The following DNAH5 variants were observed in gnomAD, a reference collection of about 807,000 sequenced individuals.
DNAH5 encodes the protein dynein axonemal heavy chain 5, also known as axonemal beta dynein heavy chain 5.
A neutral mutation model predicts 518.2 loss-of-function variants in DNAH5; 372 were observed. That is an observed-to-expected ratio of 0.72 (90% CI 0.66 to 0.78). The LOEUF (loss-of-function observed/expected upper bound fraction) is 0.78. Ranked by LOEUF, DNAH5 falls within the 30% of genes least tolerant of loss-of-function variation. DNAH5 has a pLI of 0.00. For missense variants in DNAH5, 5,523 were observed against 5,687.0 expected, an observed-to-expected ratio of 0.97 and a Z score of 0.93; for synonymous variants, 2,039 against 2,025.9, an observed-to-expected ratio of 1.01 and a Z score of -0.17.
chr5:13,798,874 C>A (rs148258042), intron 47 of DNAH5, among the ~76,000 whole-genome samples: 33 of 151,874 alleles, frequency 2.2e-4, no homozygotes, highest in African/African-American at 6.8e-4. Flanking sequence ...TCAAGCGATT[C>A]TCCTGCCTCA....
chr5:13,709,791 G>C (rs1743251375), intron 75 of DNAH5, among the ~76,000 whole-genome samples: 1 of 152,172 alleles, frequency 6.6e-6, no homozygotes, highest in South Asian at 2.1e-4. Flanking sequence ...TGAAGAAACT[G>C]AAGTAGCCAC....
intron 41 of DNAH5, 138 bp from the exon 42 acceptor site, chr5:13,817,832 T>C: frequency 1.3e-6 from 1 of 744,526 alleles, no homozygotes; most frequent in Non-Finnish European, 2.2e-6. Flanking sequence ...AAAATATGTC[T>C]TACTGCATTC....
intron 4 of DNAH5, among the ~76,000 whole-genome samples, chr5:13,922,834 C>A (rs1250498479): frequency 1.3e-5 from 2 of 151,402 alleles, no homozygotes; most frequent in African/African-American, 4.9e-5. Context: ...AAATAGAATA[C>A]CAGATGTTTA....
chr5:13,805,802 G>A (rs900316468), intron 47 of DNAH5, among the ~76,000 whole-genome samples: 1 of 152,184 alleles, frequency 6.6e-6, no homozygotes, highest in Non-Finnish European at 1.5e-5. Context: ...AGTGAATTAT[G>A]GAAACTGAGA....
rs371100208 is a variant in DNAH5, at chr5:13,829,642, C to A, written c.6312G>T (p.Val2104=). The A allele has an allele frequency of 6.2e-7, 1 of 1,614,086 alleles. No homozygotes were observed. The highest frequency in any genetic ancestry group is 1.3e-5 in the African/African-American group (1 of 74,942). Residue 2104 remains valine (V), a synonymous_variant, in exon 38 of 79, where the codon GTG becomes GTT. Transcript: ENST00000265104. ...PENLKINFRS[V]AMMVPDRQII... ...TCTGACGGTCAGGCACCATCATGGC[C>A]ACTGAGCGGAAATTAATCTTCAAGT...
At chr5:13,757,097 A>C (rs1474536436) in intron 61 of DNAH5, among the ~76,000 whole-genome samples, 3 of 152,162 alleles carry the variant, frequency 2.0e-5, no homozygotes, top group Non-Finnish European at 4.4e-5. Context: ...TTCTTTATCC[A>C]GTCTACCACT....
At chr5:13,862,850 A>T in intron 28 of DNAH5, 103 bp from the exon 29 acceptor site, 1 of 339,092 alleles carries the variant, frequency 2.9e-6, no homozygotes, top group Non-Finnish European at 4.8e-6. Flanking sequence ...TCATATATAT[A>T]TAAATATATA....
intron 35 of DNAH5, among the ~76,000 whole-genome samples, chr5:13,832,309 T>A (rs761207726): frequency 6.6e-6 from 1 of 152,204 alleles, no homozygotes; most frequent in South Asian, 2.1e-4. Flanking sequence ...TTCAAACAGA[T>A]CAATCCTATT....
At chr5:13,866,908 A>C (rs1162436024) in intron 25 of DNAH5, among the ~76,000 whole-genome samples, 1 of 152,166 alleles carries the variant, frequency 6.6e-6, no homozygotes, top group East Asian at 1.9e-4. Flanking sequence ...TTTACATTAG[A>C]AGATTCAGTA....
chr5:14,002,946 G>A (rs956181404), intron 1 of DNAH5, among the ~76,000 whole-genome samples: 2 of 152,194 alleles, frequency 1.3e-5, no homozygotes, highest in African/African-American at 4.8e-5. Context: ...ACACAACTAC[G>A]ATAGTAATTG....
intron 37 of DNAH5, 135 bp downstream of exon 37, chr5:13,829,891 C>A: frequency 1.0e-6 from 1 of 991,600 alleles, no homozygotes; most frequent in East Asian, 2.6e-5. Flanking sequence ...TGCTTAACAC[C>A]AAAAGGTTTT....
chr5:14,009,016 C>T (rs558410302), intron 1 of DNAH5, among the ~76,000 whole-genome samples: 6 of 152,248 alleles, frequency 3.9e-5, no homozygotes, highest in Non-Finnish European at 7.3e-5. Context: ...AGGACTGTAA[C>T]TCAACATTCT....
chr5:13,991,227 A>T (rs1783518379), intron 1 of DNAH5, among the ~76,000 whole-genome samples: 1 of 152,200 alleles, frequency 6.6e-6, no homozygotes, highest in African/African-American at 2.4e-5. Flanking sequence ...CAAACCTTAA[A>T]TGTTAGTCTG....
intron 67 of DNAH5, 122 bp downstream of exon 67, chr5:13,735,696 G>T: frequency 1.2e-6 from 1 of 861,744 alleles, no homozygotes; most frequent in Non-Finnish European, 2.0e-6. Context: ...TAATTACACT[G>T]ATCTGAGATT....
chr5:13,705,612 G>T (rs1191213742), intron 76 of DNAH5, among the ~76,000 whole-genome samples: 4 of 152,066 alleles, frequency 2.6e-5, no homozygotes, highest in Non-Finnish European at 5.9e-5. Context: ...GTTGAATTGT[G>T]TCCCCTCAAA....
chr5:13,795,764 C>A (rs1316805845), intron 47 of DNAH5, among the ~76,000 whole-genome samples: 1 of 152,170 alleles, frequency 6.6e-6, no homozygotes, highest in Non-Finnish European at 1.5e-5. Flanking sequence ...GAGTTTTAGA[C>A]CAATATCCCT....
intron 1 of DNAH5, among the ~76,000 whole-genome samples, chr5:13,934,225 C>G (rs923814210): frequency 6.6e-6 from 1 of 152,182 alleles, no homozygotes; most frequent in Non-Finnish European, 1.5e-5. Flanking sequence ...TACCATCTGA[C>G]CTTCTAGCTG....
rs560272549 is a variant in DNAH5 at position 13,871,757 on chromosome 5, A to G, written c.3405T>C (p.Ile1135=). 12 of 1,613,330 alleles carry G rather than the reference A, an allele frequency of 7.4e-6. No individual in the cohort carries two copies. The African/African-American group carries it at 1.2e-4, about 16-fold the overall frequency. Residue 1135 remains isoleucine (I), a synonymous_variant, in exon 23 of 79, where the codon ATT becomes ATC. Transcript: ENST00000265104. ...AGCGTTTGAAGCAATCCATGGATGT[A>G]ATAACTTCCTGAATGCAAATAACAG... The part of the protein sequence containing the change: ...TIINSTKKEV[I]TSMDCFKRYN...
At chr5:13,913,186 C>T (rs370321523) in intron 11 of DNAH5, among the ~76,000 whole-genome samples, 5 of 151,946 alleles carry the variant, frequency 3.3e-5, no homozygotes, top group African/African-American at 9.7e-5. Flanking sequence ...CTAAAATCTT[C>T]GAAATGTTAT....
Sources: allele counts gnomAD v4.1 joint callset (sites outside exome capture counted in the v4.1 genomes callset), GRCh38; gene constraint gnomAD v4.1.1; transcripts MANE v1.5; gene names NCBI Gene and HGNC (gene_info 2026-07-23, HGNC 2026-07-21).